CACNA1I: variants seen among roughly 807,000 people sequenced by gnomAD.
The protein encoded by CACNA1I is calcium voltage-gated channel subunit alpha1 I, also known as voltage-dependent T-type calcium channel subunit alpha-1I.
CACNA1I carries 74 observed loss-of-function variants against 201.6 expected under a neutral mutation model. The observed-to-expected ratio is 0.37, with a 90% confidence interval of 0.30 to 0.45. The LOEUF is 0.45. CACNA1I is among the 20% of genes least tolerant of loss of function. The pLI, the probability that CACNA1I is intolerant of heterozygous loss-of-function variation, is 1.00. For missense variants in CACNA1I, 2,346 were observed against 3,138.1 expected (o/e 0.75, Z 6.03); for synonymous variants, 1,431 against 1,345.2 (o/e 1.06, Z -1.40).
Position 39,619,401 on chromosome 22 carries a change from G to T in CACNA1I, c.574G>T (p.Val192Leu), listed in dbSNP as rs1313739182. 5 of 1,606,394 alleles carry T rather than the reference G, an allele frequency of 3.1e-6. No homozygotes were observed. In the African/African-American group the frequency reaches 5.3e-5, roughly 17 times the overall value. ...GAGGCCCCTCAAAGCCATCAACCGCGTGCCCAGTGAGTCAGCCCCGCCCTG... is the reference window on the plus strand; with the variant it reads ...GAGGCCCCTCAAAGCCATCAACCGCTTGCCCAGTGAGTCAGCCCCGCCCTG... The part of the protein sequence containing the change: ...VLRPLKAINR[V>L]PSMRILVNLL... The change falls in exon 4 of 37, where the codon GTG becomes TTG. Residue 192 changes from valine to leucine, a missense_variant. Around this residue, in one of 13 missense-constraint regions of CACNA1I, gnomAD observed 227 missense variants for 412.5 expected, o/e 0.55. Coordinates refer to ENST00000402142, the MANE Select transcript of CACNA1I (RefSeq NM_021096.4).
intron 25 of CACNA1I, 84 bp from the exon 26 acceptor site, chr22:39,670,719 A>C: frequency 7.3e-7 from 1 of 1,365,698 alleles, no homozygotes. Flanking sequence ...CCTTTCCTCC[A>C]CCTTTCTGTC....
At chr22:39,651,353 G>C (rs1934643823) in intron 10 of CACNA1I, among the ~76,000 whole-genome samples, 2 of 152,206 alleles carry the variant, frequency 1.3e-5, no homozygotes, top group Non-Finnish European at 2.9e-5. Flanking sequence ...CCAAGCACAG[G>C]CTCCATTCAA....
At position 39,658,169 on chromosome 22, in the gene CACNA1I, C is replaced by T. The variant is rs761697179; in HGVS notation, c.2010C>T (p.Asn670=). Residue 670 remains asparagine, a synonymous_variant, in exon 11 of 37, where the codon AAC becomes AAT. Coordinates refer to ENST00000402142, the MANE Select transcript of CACNA1I (RefSeq NM_021096.4). ...EHHEQPEELT[N]ILEICNVVFT... is the part of the protein sequence containing the mutation. ...CCCCACAGCCGGAGGAGCTGACCAA[C>T]ATCCTGGAGATCTGCAATGTGGTCT... The T allele has an allele frequency of 1.2e-4, 193 of 1,613,870 alleles. 1 individual carries two copies. The highest frequency in any genetic ancestry group is 1.6e-4 in the Middle Eastern group (1 of 6,078).
chr22:39,574,845 T>C (rs1228913502), intron 1 of CACNA1I, among the ~76,000 whole-genome samples: 1 of 152,106 alleles, frequency 6.6e-6, no homozygotes, highest in Non-Finnish European at 1.5e-5. Context: ...GAGGGCAGCA[T>C]GGGAGGGTCC....
Position 39,679,217 on chromosome 22 carries a change from C to T in CACNA1I, c.5166C>T (p.Ile1722=). The T allele has an allele frequency of 1.9e-6, 3 of 1,593,522 alleles. No homozygotes were observed. Among genetic ancestry groups the T allele is most frequent in the Non-Finnish European group, 2.6e-6 (3 of 1,170,998 alleles). The change falls in exon 32 of 37, where the codon ATC becomes ATT. Residue 1722 remains isoleucine (I), a synonymous_variant. Transcript: ENST00000402142. ...SFVLTAQFVL[I]NVVVAVLMKH... is the part of the protein sequence containing the mutation. The stretch of plus-strand genomic sequence containing the variant: ...TGCTCACCGCGCAGTTCGTGCTCAT[C>T]AACGTGGTGGTGGCTGTGCTCATGA...
chr22:39,628,041 G>C (rs1246564958), intron 4 of CACNA1I, among the ~76,000 whole-genome samples: 1 of 152,166 alleles, frequency 6.6e-6, no homozygotes, highest in Non-Finnish European at 1.5e-5. Context: ...GAAGTGCTTG[G>C]GGGTGGGGCA....
intron 1 of CACNA1I, among the ~76,000 whole-genome samples, chr22:39,589,307 C>T (rs1282760141): frequency 6.6e-6 from 1 of 152,194 alleles, no homozygotes; most frequent in African/African-American, 2.4e-5. Flanking sequence ...GAGCATTTCT[C>T]CTGGGTATGC....
chr22:39,579,685 C>T (rs1311362095), intron 1 of CACNA1I, among the ~76,000 whole-genome samples: 4 of 150,296 alleles, frequency 2.7e-5, no homozygotes, highest in Non-Finnish European at 3.0e-5. Context: ...TCGCTCTTGT[C>T]ACCCAGGCTG....
At chr22:39,585,627 A>C (rs576676711) in intron 1 of CACNA1I, among the ~76,000 whole-genome samples, 1 of 141,808 alleles carries the variant, frequency 7.1e-6, no homozygotes, top group South Asian at 2.3e-4. Context: ...GCCTCGAGTG[A>C]TCTGCCCACC....
chr22:39,611,430 C>T (rs1259549239), intron 3 of CACNA1I, among the ~76,000 whole-genome samples: 1 of 152,076 alleles, frequency 6.6e-6, no homozygotes, highest in East Asian at 1.9e-4. Context: ...AAATATAAGC[C>T]GTTGATTTGC....
chr22:39,652,975 C>T (rs561342953), intron 10 of CACNA1I, among the ~76,000 whole-genome samples: 4 of 152,292 alleles, frequency 2.6e-5, no homozygotes, highest in Admixed American at 2.0e-4. Context: ...GCAGGGTGGC[C>T]GGGAGTGCAT....
At chr22:39,606,401 G>A (rs1054564868) in intron 3 of CACNA1I, among the ~76,000 whole-genome samples, 2 of 152,190 alleles carry the variant, frequency 1.3e-5, no homozygotes, top group African/African-American at 2.4e-5. Flanking sequence ...TGAGGCAGCC[G>A]CTCATTCCAT....
chr22:39,659,393 T>C lies in CACNA1I; in HGVS notation c.2331-40T>C. 7.6e-7 allele frequency: 1 copy of C among 1,319,606 alleles called. No homozygotes were observed. Among genetic ancestry groups the C allele is most frequent in the South Asian group, 1.3e-5 (1 of 79,416 alleles). The allele number at this position is 1,319,606 out of a possible 1,614,324, so 81.7% of individuals were successfully genotyped here. A position where few individuals can be genotyped will look rare whatever the true frequency, so the allele number is the denominator to read the frequency against. On this transcript the variant is annotated intron_variant, in intron 12 of 36. Coordinates refer to ENST00000402142, the MANE Select transcript of CACNA1I (RefSeq NM_021096.4). This position sits in a 1 kb window ranked among gnomAD's most constrained non-coding sequence, Gnocchi z 4.3. The stretch of plus-strand genomic sequence containing the variant: ...GAAACAAGGTGAGTAGGCAGTTTGG[T>C]GCATGTGAGTCCGATGAGCCTCTTC...
At chr22:39,600,777 C>A in intron 3 of CACNA1I, 124 bp downstream of exon 3, 2 of 1,243,482 alleles carry the variant, frequency 1.6e-6, no homozygotes, top group Non-Finnish European at 2.1e-6. Flanking sequence ...CCCTCCTGGA[C>A]CCCTGGGCTG....
chr22:39,582,744 A>AC (rs964195219), intron 1 of CACNA1I, among the ~76,000 whole-genome samples: 2 of 58,376 alleles, frequency 3.4e-5, no homozygotes, highest in South Asian at 7.8e-4. Flanking sequence ...TCCCCCATAC[A>AC]CCCCCCCACC....
In CACNA1I at chr22:39,605,200, C is replaced by T. The variant is rs369439613; in HGVS notation, c.482+4547C>T. On this transcript the variant is annotated intron_variant, in intron 3 of 36. Coordinates refer to ENST00000402142, the MANE Select transcript of CACNA1I (RefSeq NM_021096.4). ...TACCTCCCCTTCCCCAAATTAATTA[C>T]TAGCTCTTTCTTCAAGCTGTGGAGG... Among the ~76,000 whole-genome samples, 151 of 151,416 alleles carry T rather than the reference C, an allele frequency of 1.0e-3. 1 individual carries two copies. The highest frequency in any genetic ancestry group is 1.3e-3 in the Non-Finnish European group (89 of 67,858).
intron 7 of CACNA1I, among the ~76,000 whole-genome samples, chr22:39,644,298 A>G (rs1934422849): frequency 6.6e-6 from 1 of 152,068 alleles, no homozygotes; most frequent in African/African-American, 2.4e-5. Context: ...AGTTGGGGTA[A>G]AGCACGATGC....
chr22:39,601,889 TTCA>T (rs1673584226), intron 3 of CACNA1I, among the ~76,000 whole-genome samples: 1 of 14,872 alleles, frequency 6.7e-5, no homozygotes, highest in Non-Finnish European at 1.4e-4. Context: ...CTCTCTTTCT[TTCA>T]CCCTCCCTCC....
In CACNA1I at chr22:39,570,939, C is replaced by G. The variant is rs1025122085; in HGVS notation, c.187C>G (p.Arg63Gly). ...GGCGCCTATTGCCTTCTTCTGCCTG[C>G]GACAGACCACCAGCCCCCGGAACTG... is the stretch of plus-strand genomic sequence containing the variant. Reference protein sequence around the residue: ...DLAPIAFFCLRQTTSPRNWCI... With the variant: ...DLAPIAFFCLGQTTSPRNWCI... Residue 63 changes from arginine to glycine, a missense_variant, in exon 1 of 37, where the codon CGA (arginine) becomes GGA (glycine). By Grantham distance (125) the Arg-to-Gly change is moderately radical. Coordinates refer to ENST00000402142, the MANE Select transcript of CACNA1I (RefSeq NM_021096.4). 6 of 1,613,800 alleles carry G rather than the reference C, an allele frequency of 3.7e-6. No individual in the cohort carries two copies. Among genetic ancestry groups the G allele is most frequent in the Non-Finnish European group, 5.1e-6 (6 of 1,179,852 alleles).
Sources: gnomAD v4.1 joint callset for allele counts (sites outside exome capture counted in the v4.1 genomes callset) on GRCh38, gnomAD v4.1.1 for gene constraint, gnomAD v4.1.1 regional missense constraint, Gnocchi (gnomAD v3.1) non-coding constraint, MANE v1.5 for transcripts, NCBI Gene and HGNC (gene_info 2026-07-23, HGNC 2026-07-21) for gene names.